The following KLHDC1 variants were observed in gnomAD, a reference collection of about 807,000 sequenced individuals.
KLHDC1 encodes the protein kelch domain-containing protein 1.
In KLHDC1, 53 loss-of-function variants were observed where a neutral mutation model predicts 68.3. The ratio of observed to expected loss-of-function variants is 0.78; its 90% CI spans 0.62 to 0.98. The LOEUF is 0.98. KLHDC1 is among the 50% of genes least tolerant of loss of function. KLHDC1 has a pLI of 0.00. For synonymous variants in KLHDC1, 148 were observed against 159.0 expected, an observed-to-expected ratio of 0.93 and a Z score of 0.52; for missense variants, 470 against 492.3, an observed-to-expected ratio of 0.95 and a Z score of 0.43.
At chr14:49,728,817 A>G (rs1014618427) in intron 6 of KLHDC1, 109 bp from the exon 7 acceptor site, 3 of 776,406 alleles carry the variant, frequency 3.9e-6, no homozygotes, top group South Asian at 1.5e-5. Flanking sequence ...ATTGAATTAC[A>G]TAGGTAATGA....
In KLHDC1 at chr14:49,743,850, A is replaced by T. The variant is rs117746998; in HGVS notation, c.1034+45A>T. 4.9e-4 allele frequency: 544 copies of T among 1,120,150 alleles called. 5 individuals carry two copies. The East Asian group carries it at 0.012, about 24-fold the overall frequency. The allele number at this position is 1,120,150 out of a possible 1,614,324, so 69.4% of individuals were successfully genotyped here. ...TCTATATATTTGCTATGAGTATATGATAATTTCTTTCTCATTTTTGGGAAG... is the reference window on the plus strand; with the variant it reads ...TCTATATATTTGCTATGAGTATATGTTAATTTCTTTCTCATTTTTGGGAAG... On this transcript the variant is annotated intron_variant, in intron 12 of 12. Coordinates refer to ENST00000359332, the MANE Select transcript of KLHDC1 (RefSeq NM_172193.3).
Position 49,730,050 on chromosome 14 carries a change from G to A in KLHDC1, c.710+502G>A, listed in dbSNP as rs543497167. ...AAATATAGCAGATTATCTTTAAAATGTTGGCATGGAGAAAGCTTTGTAAAG... is the reference window on the plus strand; with the variant it reads ...AAATATAGCAGATTATCTTTAAAATATTGGCATGGAGAAAGCTTTGTAAAG... On this transcript the variant is annotated intron_variant, in intron 8 of 12. Coordinates refer to ENST00000359332, the MANE Select transcript of KLHDC1 (RefSeq NM_172193.3). 1.1e-4 allele frequency among the ~76,000 whole-genome samples: 17 copies of A among 152,210 alleles called. No homozygotes were observed. The South Asian group carries it at 3.3e-3, about 30-fold the overall frequency.
At chr14:49,728,511 C>T (rs1888725587) in intron 6 of KLHDC1, among the ~76,000 whole-genome samples, 1 of 152,088 alleles carries the variant, frequency 6.6e-6, no homozygotes, top group Admixed American at 6.6e-5. Context: ...TTTAATTTTA[C>T]AGAGTTTCTG....
intron 6 of KLHDC1, among the ~76,000 whole-genome samples, chr14:49,726,495 A>G (rs1888674761): frequency 6.6e-6 from 1 of 152,216 alleles, no homozygotes. Context: ...TGCCATCGTC[A>G]TTCTTTACCC....
intron 1 of KLHDC1, among the ~76,000 whole-genome samples, chr14:49,705,971 GTATT>G (rs950705903): frequency 6.6e-6 from 1 of 152,148 alleles, no homozygotes; most frequent in African/African-American, 2.4e-5. Flanking sequence ...GTTCCCTCAA[GTATT>G]TATCCTTTGT....
intron 10 of KLHDC1, among the ~76,000 whole-genome samples, chr14:49,736,317 A>G (rs924021746): frequency 5.3e-5 from 8 of 152,192 alleles, no homozygotes; most frequent in Non-Finnish European, 8.8e-5. Context: ...TGTTTAGGTG[A>G]TAAGTTTAGA....
rs561504114 is a variant in KLHDC1 at position 49,721,096 on chromosome 14, C to T, written c.405-2778C>T. ...AGGCCCTGTCTGATAATTCCATTGT[C>T]TAGACCACCTCTGAGTCTGTTTATA... On this transcript the variant is annotated intron_variant, in intron 4 of 12. Transcript: ENST00000359332. 2.8e-4 allele frequency among the ~76,000 whole-genome samples: 42 copies of T among 152,254 alleles called. 1 individual carries two copies. The highest frequency in any genetic ancestry group is 9.4e-4 in the African/African-American group (39 of 41,542).
chr14:49,733,240 C>A (rs773363960), intron 9 of KLHDC1, among the ~76,000 whole-genome samples: 1 of 151,990 alleles, frequency 6.6e-6, no homozygotes, highest in Non-Finnish European at 1.5e-5. Context: ...TCTTTTTGTT[C>A]CAGAGCTGTA....
chr14:49,695,602 A>G (rs1405491984), intron 1 of KLHDC1, among the ~76,000 whole-genome samples: 2 of 152,128 alleles, frequency 1.3e-5, no homozygotes, highest in African/African-American at 4.8e-5. Context: ...GGGCCCTAGG[A>G]TTTTCAGAAT....
intron 6 of KLHDC1, among the ~76,000 whole-genome samples, chr14:49,727,254 C>CA (rs201626506): frequency 2.5e-3 from 352 of 139,340 alleles, no homozygotes; most frequent in Admixed American, 4.1e-3. Context: ...CCGTCTGTAC[C>CA]AAAAAAAAAA....
At chr14:49,750,634 A>C (rs1889301000) in intron 12 of KLHDC1, among the ~76,000 whole-genome samples, 1 of 152,258 alleles carries the variant, frequency 6.6e-6, no homozygotes, top group Non-Finnish European at 1.5e-5. Flanking sequence ...GAGTCTGTTA[A>C]AAAAATTTTT....
rs906808107 is a variant in KLHDC1 at position 49,751,614 on chromosome 14, T to A, written c.1063T>A (p.Ser355Thr). Residue 355 changes from serine (S) to threonine (T), a missense_variant, in exon 13 of 13, where the codon TCT (serine) becomes ACT (threonine). Ser to Thr is a moderately conservative substitution (Grantham distance 58). Transcript: ENST00000359332. ...ATGCCTTGACTGCATTGGTAAAAAT[T>A]CTATCATGTTAGAAAGTCAGATATC... ...RSCLDCIGKN[S>T]IMLESQISLL... is the part of the protein sequence containing the mutation. The A allele has an allele frequency of 6.3e-7, 1 of 1,575,846 alleles. No homozygotes were observed. Among genetic ancestry groups the A allele is most frequent in the Non-Finnish European group, 8.6e-7 (1 of 1,159,402 alleles).
chr14:49,722,852 C>T (rs1281512556), intron 4 of KLHDC1, among the ~76,000 whole-genome samples: 3 of 151,858 alleles, frequency 2.0e-5, no homozygotes, highest in African/African-American at 4.8e-5. Flanking sequence ...TTTGGGAGGC[C>T]GAGGTGGGCA....
At chr14:49,750,424 C>T (rs1889296825) in intron 12 of KLHDC1, among the ~76,000 whole-genome samples, 1 of 152,190 alleles carries the variant, frequency 6.6e-6, no homozygotes, top group Non-Finnish European at 1.5e-5. Context: ...CTAAGGTTGT[C>T]TTAGTTATTC....
intron 11 of KLHDC1, among the ~76,000 whole-genome samples, chr14:49,742,384 G>C (rs1318701927): frequency 6.6e-6 from 1 of 152,260 alleles, no homozygotes; most frequent in East Asian, 1.9e-4. Context: ...GAATTCCCGG[G>C]GAGGGCTGGG....
intron 8 of KLHDC1, among the ~76,000 whole-genome samples, chr14:49,731,210 G>A (rs1888798958): frequency 6.6e-6 from 1 of 152,142 alleles, no homozygotes; most frequent in Non-Finnish European, 1.5e-5. Context: ...TACCTGGGAG[G>A]CGGAGGTTGC....
chr14:49,735,256 T>C lies in KLHDC1; in HGVS notation c.896+595T>C, dbSNP rs541574129. On this transcript the variant is annotated intron_variant, in intron 10 of 12. Transcript: ENST00000359332. ...ACCACATTTGTACTATAATTCTTGT[T>C]TTTTTCTAATTTTATTGAATAGTGT... Among the ~76,000 whole-genome samples, 20 of 152,050 alleles carry C rather than the reference T, an allele frequency of 1.3e-4. 1 individual carries two copies. The South Asian group carries it at 3.5e-3, about 27-fold the overall frequency.
chr14:49,737,889 A>G (rs1888969060), intron 10 of KLHDC1, among the ~76,000 whole-genome samples: 1 of 151,360 alleles, frequency 6.6e-6, no homozygotes, highest in Non-Finnish European at 1.5e-5. Context: ...AAAAAAAACA[A>G]GGAATCAAAG....
At chr14:49,725,475 A>G (rs1888644687) in intron 5 of KLHDC1, 6 of 425,636 alleles carry the variant, frequency 1.4e-5, no homozygotes, top group Non-Finnish European at 2.5e-5. Context: ...AAACAATACT[A>G]TGAGAAGAAA....
Sources: gnomAD v4.1 joint callset for allele counts (sites outside exome capture counted in the v4.1 genomes callset) on GRCh38, gnomAD v4.1.1 for gene constraint, MANE v1.5 for transcripts, NCBI Gene and HGNC (gene_info 2026-07-23, HGNC 2026-07-21) for gene names.